Variants in ABCC1 observed in about 807,000 individuals in gnomAD.
The protein encoded by ABCC1 is ATP binding cassette subfamily C member 1 (ABCC1 blood group), also known as multidrug resistance-associated protein 1.
In ABCC1, 83 loss-of-function variants were observed where a neutral mutation model predicts 172.9. That is an observed-to-expected ratio of 0.48 (90% confidence interval 0.40 to 0.58). ABCC1 has a LOEUF of 0.58. Among genes scored for constraint, ABCC1 ranks in the 20% least tolerant of loss-of-function variants. ABCC1 has a pLI of 0.00. For synonymous variants in ABCC1, 937 were observed against 825.2 expected (o/e 1.14, Z -2.32); for missense variants, 1,817 against 2,002.7 (o/e 0.91, Z 1.77).
At chr16:16,009,172 T>A (rs2047674274) in intron 2 of ABCC1, among the ~76,000 whole-genome samples, 1 of 152,088 alleles carries the variant, frequency 6.6e-6, no homozygotes, top group African/African-American at 2.4e-5. Flanking sequence ...TTGCCCAGGC[T>A]GTTGTCAAAC....
At chr16:16,049,820 A>G (rs2151895189) in intron 10 of ABCC1, among the ~76,000 whole-genome samples, 1 of 152,026 alleles carries the variant, frequency 6.6e-6, no homozygotes, top group South Asian at 2.1e-4. Context: ...AGTAGCTGGG[A>G]CTACAGGCTT....
chr16:15,982,766 A>G (rs948410155), intron 1 of ABCC1, among the ~76,000 whole-genome samples: 1 of 130,392 alleles, frequency 7.7e-6, no homozygotes, highest in African/African-American at 2.9e-5. Context: ...TGACCACACC[A>G]CTGCACTCCA....
At position 15,994,972 on chromosome 16, in the gene ABCC1, A is replaced by G. The variant is rs146044649; in HGVS notation, c.49-12844A>G. 4.8e-4 allele frequency among the ~76,000 whole-genome samples: 73 copies of G among 151,836 alleles called. 1 individual carries two copies. Among genetic ancestry groups the G allele is most frequent in the African/African-American group, 1.7e-3 (72 of 41,456 alleles). On this transcript the variant is annotated intron_variant, in intron 1 of 30. Transcript: ENST00000399410. ...ATGGTGAAACTCCATCTGTACTAAA[A>G]ATGCAAAAATTAGCCAGGCGTGGTA...
chr16:16,042,529 C>G (rs1228924380), intron 7 of ABCC1, among the ~76,000 whole-genome samples: 2 of 151,946 alleles, frequency 1.3e-5, no homozygotes, highest in African/African-American at 4.8e-5. Context: ...ATGGTGAAAC[C>G]CTGTCTCTAC....
Position 16,071,680 on chromosome 16 carries a change from C to T in ABCC1, c.1863C>T (p.Ser621=), listed in dbSNP as rs368973312. ...VSLKRLRIFL[S]HEELEPDSIE... Reference sequence around the variant, plus strand: ...TCAAACGCCTGAGGATCTTTCTCTCCCATGAGGAGCTGGAACCTGACAGCA... The same window carrying T: ...TCAAACGCCTGAGGATCTTTCTCTCTCATGAGGAGCTGGAACCTGACAGCA... Residue 621 remains serine, a synonymous_variant, in exon 14 of 31, where the codon TCC becomes TCT. Coordinates refer to ENST00000399410, the MANE Select transcript of ABCC1 (RefSeq NM_004996.4). 663 of 1,613,920 alleles carry T rather than the reference C, an allele frequency of 4.1e-4. No homozygotes were observed. The highest frequency in any genetic ancestry group is 5.4e-4 in the Non-Finnish European group (637 of 1,179,996).
intron 20 of ABCC1, among the ~76,000 whole-genome samples, chr16:16,103,923 C>G (rs2051914823): frequency 6.6e-6 from 1 of 152,076 alleles, no homozygotes; most frequent in African/African-American, 2.4e-5. Flanking sequence ...GGGGTTTGTT[C>G]CTTCTGCTGT....
chr16:16,132,527 T>G (rs1359294592), intron 27 of ABCC1, among the ~76,000 whole-genome samples: 4 of 128,468 alleles, frequency 3.1e-5, no homozygotes, highest in South Asian at 2.8e-4. Context: ...TTTTTTTTTT[T>G]TTTTTTTTTT....
At chr16:16,129,267 G>A (rs1186584382) in intron 26 of ABCC1, among the ~76,000 whole-genome samples, 1 of 152,142 alleles carries the variant, frequency 6.6e-6, no homozygotes, top group Non-Finnish European at 1.5e-5. Context: ...TGCCTCTAAG[G>A]GCTGCTGTGA....
intron 18 of ABCC1, among the ~76,000 whole-genome samples, chr16:16,088,555 CT>C (rs2051110648): frequency 6.6e-6 from 1 of 152,144 alleles, no homozygotes; most frequent in Non-Finnish European, 1.5e-5. Context: ...CCACTGCCTG[CT>C]TTTTATATGG....
At chr16:16,061,505 G>A (rs1044566930) in intron 12 of ABCC1, among the ~76,000 whole-genome samples, 7 of 152,162 alleles carry the variant, frequency 4.6e-5, no homozygotes, top group Non-Finnish European at 8.8e-5. Flanking sequence ...ATTGCGAAGT[G>A]TCCCCTTGGG....
intron 1 of ABCC1, among the ~76,000 whole-genome samples, chr16:15,997,093 CTT>C (rs34024385): frequency 4.4e-5 from 6 of 137,132 alleles, no homozygotes; most frequent in Admixed American, 7.4e-5. Context: ...TGCGCTTTCT[CTT>C]TTTTTTTTTT....
At chr16:16,059,992 G>T (rs1190060953) in intron 12 of ABCC1, among the ~76,000 whole-genome samples, 1 of 151,904 alleles carries the variant, frequency 6.6e-6, no homozygotes, top group Non-Finnish European at 1.5e-5. Context: ...ACAAGACTCT[G>T]TCTCAAAAAA....
chr16:15,955,316 C>T (rs1412892296), intron 1 of ABCC1, among the ~76,000 whole-genome samples: 1 of 152,146 alleles, frequency 6.6e-6, no homozygotes, highest in African/African-American at 2.4e-5. Context: ...CGAGAGTTCG[C>T]CACTGCGCTC....
In ABCC1 at chr16:15,957,273, A is replaced by G. The variant is rs891395213; in HGVS notation, c.48+7474A>G. 1.8e-3 allele frequency among the ~76,000 whole-genome samples: 230 copies of G among 126,884 alleles called. 2 individuals are homozygous for G. The highest frequency in any genetic ancestry group is 6.2e-3 in the African/African-American group (198 of 32,028). 83.2% of individuals were successfully genotyped at this position (126,884 alleles called of 152,430 possible). A position where few individuals can be genotyped will look rare whatever the true frequency, so the allele number is the denominator to read the frequency against. On this transcript the variant is annotated intron_variant, in intron 1 of 30. Coordinates refer to ENST00000399410, the MANE Select transcript of ABCC1 (RefSeq NM_004996.4). ...TTTTTTTTTTTTTTTTTTTGTAGAG[A>G]TAGGGTTTTGCCATGTTGCTCAGGT... is the stretch of plus-strand genomic sequence containing the variant.
intron 5 of ABCC1, among the ~76,000 whole-genome samples, chr16:16,019,186 C>A (rs146410556): frequency 1.3e-5 from 2 of 152,156 alleles, no homozygotes; most frequent in East Asian, 3.9e-4. Context: ...CCCACTGCAA[C>A]CCCGCCTCCT....
rs748662966 is a variant in ABCC1, at chr16:16,079,389, G to T, written c.2026G>T (p.Val676Leu). 1 of 1,613,896 alleles carries T rather than the reference G, an allele frequency of 6.2e-7. No homozygotes were observed. Among genetic ancestry groups the T allele is most frequent in the Non-Finnish European group, 8.5e-7 (1 of 1,179,830 alleles). Residue 676 changes from valine (V) to leucine (L), a missense_variant, in exon 16 of 31, where the codon GTG (valine) becomes TTG (leucine). By Grantham distance (32) the Val-to-Leu change is conservative. This residue lies in a region of ABCC1 where 1,412 missense variants were observed against 1,600.3 expected (regional missense o/e 0.88). Coordinates refer to ENST00000399410, the MANE Select transcript of ABCC1 (RefSeq NM_004996.4). ...FSIPEGALVA[V>L]VGQVGCGKSS... ...CATCCCCGAAGGTGCTTTGGTGGCC[G>T]TGGTGGGCCAGGTGGGCTGCGGAAA... is the stretch of plus-strand genomic sequence containing the variant.
At chr16:16,133,371 T>TG (rs1491050731) in intron 27 of ABCC1, among the ~76,000 whole-genome samples, 16 of 136,364 alleles carry the variant, frequency 1.2e-4, no homozygotes, top group African/African-American at 4.0e-4. Flanking sequence ...TCTTGCTGTC[T>TG]TTTTTTGTTT....
chr16:16,021,482 C>A (rs1016104833), intron 5 of ABCC1, among the ~76,000 whole-genome samples: 1 of 151,966 alleles, frequency 6.6e-6, no homozygotes, highest in Non-Finnish European at 1.5e-5. Flanking sequence ...TTTGGGAGGC[C>A]GAGGCAGGTA....
chr16:16,061,437 G>A (rs928991165), intron 12 of ABCC1, among the ~76,000 whole-genome samples: 1 of 152,202 alleles, frequency 6.6e-6, no homozygotes, highest in African/African-American at 2.4e-5. Context: ...CCTGCCAGAT[G>A]CTAAGTCGTA....
Sources: allele counts gnomAD v4.1 joint callset (sites outside exome capture counted in the v4.1 genomes callset), GRCh38; gene constraint gnomAD v4.1.1; regional missense constraint gnomAD v4.1.1; transcripts MANE v1.5; gene names NCBI Gene and HGNC (gene_info 2026-07-23, HGNC 2026-07-21).